CHD6: variants seen among roughly 807,000 people sequenced by gnomAD.
The protein encoded by CHD6 is ATP-dependent chromatin remodeler CHD6.
Under a neutral mutation model 276.9 loss-of-function variants are expected in CHD6, and 50 were observed. The ratio of observed to expected loss-of-function variants is 0.18; its 90% CI spans 0.14 to 0.23. The LOEUF (loss-of-function observed/expected upper bound fraction) is 0.23, where lower values mean the gene tolerates loss of function less well. CHD6 is among the 10% of genes least tolerant of loss of function. The probability of loss-of-function intolerance (pLI) is 1.00; values close to 1 mark genes in which losing one functional copy is unlikely to be tolerated. For missense variants in CHD6, 2,564 were observed against 3,365.8 expected (o/e 0.76, Z 5.89); for synonymous variants, 1,173 against 1,229.3 (o/e 0.95, Z 0.96).
chr20:41,586,259 C>A (rs1002573409), intron 1 of CHD6, among the ~76,000 whole-genome samples: 1 of 152,222 alleles, frequency 6.6e-6, no homozygotes, highest in Non-Finnish European at 1.5e-5. Flanking sequence ...TACTGCTGAA[C>A]GCCGTCACAA....
chr20:41,447,908 C>G lies in CHD6; in HGVS notation c.3747G>C (p.Glu1249Asp). ...TGGCAGGAGATCCTTCAAATGCTTT[C>G]TCAGCTGCTTCTCCCAGTATTTCAG... Reference protein sequence around the residue: ...LKAEILGEAAEKAFEGSPARE... With the variant: ...LKAEILGEAADKAFEGSPARE... The change falls in exon 24 of 37, where the codon GAG becomes GAC. Residue 1249 changes from glutamate (E) to aspartate (D), a missense_variant. Transcript: ENST00000373233. 1 of 1,611,840 alleles carries G rather than the reference C, an allele frequency of 6.2e-7. No homozygotes were observed.
intron 3 of CHD6, among the ~76,000 whole-genome samples, chr20:41,531,201 C>T (rs569746202): frequency 1.0e-3 from 152 of 152,220 alleles, no homozygotes; most frequent in Non-Finnish European, 1.9e-3. Flanking sequence ...CATCAGAAAC[C>T]AGTGGCTAAG....
At chr20:41,598,327 C>T (rs1480548356) in intron 1 of CHD6, among the ~76,000 whole-genome samples, 1 of 152,184 alleles carries the variant, frequency 6.6e-6, no homozygotes, top group Non-Finnish European at 1.5e-5. Flanking sequence ...CCCTACAATG[C>T]AATGGCTCCC....
Position 41,403,880 on chromosome 20 carries a change from A to G in CHD6, c.*713T>C. On this transcript the variant is annotated 3_prime_UTR_variant, in exon 37 of 37. Transcript: ENST00000373233. ...CTCATGGTGGGTAAAGCTTTCTCGC[A>G]GCAAGAGGAATCTTTTCACTGGTGA... 9.5e-7 allele frequency: 1 copy of G among 1,056,890 alleles called. No homozygotes were observed. The allele number at this position is 1,056,890 out of a possible 1,614,324, so 65.5% of individuals were successfully genotyped here.
chr20:41,538,676 C>A (rs539094188), intron 2 of CHD6, among the ~76,000 whole-genome samples: 1 of 152,150 alleles, frequency 6.6e-6, no homozygotes, highest in East Asian at 1.9e-4. Context: ...CTAGGACATA[C>A]CAAAATTGGT....
chr20:41,561,413 C>T (rs1461675074), intron 1 of CHD6, among the ~76,000 whole-genome samples: 1 of 152,152 alleles, frequency 6.6e-6, no homozygotes, highest in Non-Finnish European at 1.5e-5. Flanking sequence ...CCTCTAAAAC[C>T]TTGAAACTCC....
intron 2 of CHD6, among the ~76,000 whole-genome samples, chr20:41,534,506 C>T (rs1391712958): frequency 1.3e-5 from 2 of 151,856 alleles, no homozygotes; most frequent in Admixed American, 6.6e-5. Context: ...CAGTTTCTTT[C>T]CCTAGTCCAA....
chr20:41,486,454 T>C (rs995390716), intron 14 of CHD6, among the ~76,000 whole-genome samples: 3 of 152,110 alleles, frequency 2.0e-5, no homozygotes, highest in Non-Finnish European at 2.9e-5. Context: ...AATCAATAGA[T>C]AGGGCAAATG....
chr20:41,517,234 T>C (rs1037436238), intron 3 of CHD6, among the ~76,000 whole-genome samples: 9 of 151,998 alleles, frequency 5.9e-5, no homozygotes, highest in Admixed American at 5.2e-4. Context: ...ATGATGAGAA[T>C]ATATGGACAC....
At chr20:41,478,855 A>G (rs566269705) in intron 16 of CHD6, among the ~76,000 whole-genome samples, 2 of 152,354 alleles carry the variant, frequency 1.3e-5, no homozygotes, top group East Asian at 3.9e-4. Context: ...GGAAAAATTC[A>G]GTTATTCTCA....
At chr20:41,485,257 T>C (rs948561562) in intron 14 of CHD6, among the ~76,000 whole-genome samples, 11 of 152,164 alleles carry the variant, frequency 7.2e-5, no homozygotes, top group Non-Finnish European at 1.6e-4. Context: ...TTTATGCAAC[T>C]GACTGCACCA....
intron 31 of CHD6, among the ~76,000 whole-genome samples, chr20:41,419,158 T>A (rs2047098437): frequency 6.6e-6 from 1 of 152,194 alleles, no homozygotes; most frequent in Non-Finnish European, 1.5e-5. Flanking sequence ...TACAACTCTA[T>A]CAAGCTACTT....
chr20:41,451,848 G>A lies in CHD6; in HGVS notation c.3501C>T (p.Ala1167=). 1 of 1,614,146 alleles carries A rather than the reference G, an allele frequency of 6.2e-7. No individual in the cohort carries two copies. The highest frequency in any genetic ancestry group is 8.5e-7 in the Non-Finnish European group (1 of 1,180,018). Reference sequence around the variant, plus strand: ...CACCTGAGTGGTTCTGGAGGGTCTGGGCTTGCCCATCTTTGGTAGGTGTGA... The same window carrying A: ...CACCTGAGTGGTTCTGGAGGGTCTGAGCTTGCCCATCTTTGGTAGGTGTGA... ...ELITPTKDGQ[A]QTLQNHSGLS... is the part of the protein sequence containing the mutation. Residue 1167 remains alanine (A), a synonymous_variant, in exon 22 of 37, where the codon GCC becomes GCT. Transcript: ENST00000373233.
chr20:41,442,861 T>C (rs1323795954), intron 25 of CHD6, among the ~76,000 whole-genome samples: 3 of 152,220 alleles, frequency 2.0e-5, no homozygotes, highest in Non-Finnish European at 2.9e-5. Flanking sequence ...CCATGAGGCA[T>C]CTGTCCAACC....
chr20:41,519,505 T>C (rs2044333932), intron 3 of CHD6, among the ~76,000 whole-genome samples: 1 of 152,150 alleles, frequency 6.6e-6, no homozygotes, highest in South Asian at 2.1e-4. Flanking sequence ...ACTGAATAAA[T>C]TAGGATATAT....
chr20:41,500,964 G>A (rs934896221), intron 5 of CHD6, among the ~76,000 whole-genome samples: 1 of 152,098 alleles, frequency 6.6e-6, no homozygotes, highest in African/African-American at 2.4e-5. Flanking sequence ...CTTACATACT[G>A]TCAGGACGGT....
intron 17 of CHD6, chr20:41,459,337 G>A (rs1382620503): frequency 6.6e-6 from 1 of 152,570 alleles, no homozygotes; most frequent in Non-Finnish European, 1.5e-5. Flanking sequence ...TCAAAGCAGG[G>A]CTAAAGGAGG....
chr20:41,516,550 A>C (rs56226830), intron 3 of CHD6, among the ~76,000 whole-genome samples: 6,915 of 152,200 alleles, frequency 0.045, 498 homozygotes, highest in African/African-American at 0.16. Flanking sequence ...TTCCAGGGCA[A>C]CAGGGTTAGT....
chr20:41,551,420 A>G, intron 1 of CHD6, 60 bp from the exon 2 acceptor site: 4 of 742,418 alleles, frequency 5.4e-6, no homozygotes, highest in South Asian at 1.5e-5. Context: ...AACATTTTCA[A>G]CATCTCCAGA....
Sources: allele counts gnomAD v4.1 joint callset (sites outside exome capture counted in the v4.1 genomes callset), GRCh38; gene constraint gnomAD v4.1.1; transcripts MANE v1.5; gene names NCBI Gene and HGNC (gene_info 2026-07-23, HGNC 2026-07-21).